Variants in IL4 observed in about 807,000 individuals in gnomAD.
IL4 encodes the protein interleukin 4.
IL4 carries 10 observed loss-of-function variants against 17.4 expected under a neutral mutation model. The observed-to-expected ratio is 0.57, with a 90% CI of 0.35 to 0.97. The LOEUF is 0.97. Ranked by LOEUF, IL4 falls within the 50% of genes least tolerant of loss-of-function variation. IL4 has a pLI of 0.01. For missense variants in IL4, 174 were observed against 187.7 expected (o/e 0.93, Z 0.43); for synonymous variants, 87 against 79.0 (o/e 1.10, Z -0.54).
chr5:132,675,889 GTGTGTATATA>G (rs1752371620), intron 2 of IL4, among the ~76,000 whole-genome samples: 1 of 145,704 alleles, frequency 6.9e-6, no homozygotes, highest in African/African-American at 2.6e-5. Flanking sequence ...ATATATGTGT[GTGTGTATATA>G]TATGTGTGTA....
At chr5:132,676,502 C>A (rs536671541) in intron 2 of IL4, among the ~76,000 whole-genome samples, 1 of 152,156 alleles carries the variant, frequency 6.6e-6, no homozygotes, top group Non-Finnish European at 1.5e-5. Context: ...GTCCTTAACT[C>A]CCCTCTTCAC....
At chr5:132,682,362 C>A (rs1195195401) in intron 3 of IL4, 124 bp from the exon 4 acceptor site, 1 of 622,050 alleles carries the variant, frequency 1.6e-6, no homozygotes, top group Non-Finnish European at 2.9e-6. Flanking sequence ...CCCAGTCAGG[C>A]TAGACTGGAG....
At chr5:132,674,546 G>C (rs758156636) in intron 2 of IL4, 40 bp downstream of exon 2, 1 of 1,514,742 alleles carries the variant, frequency 6.6e-7, no homozygotes, top group Non-Finnish European at 9.2e-7. Context: ...CAAATGGGGA[G>C]ATCCATCCCC....
In IL4 at chr5:132,682,518, T is replaced by C; in HGVS notation, c.393T>C (p.Ser131=). Residue 131 remains serine (S), a synonymous_variant, in exon 4 of 4, where the codon AGT becomes AGC. Transcript: ENST00000231449. The part of the protein sequence containing the change: ...NSCPVKEANQ[S]TLENFLERLK... Reference sequence around the variant, plus strand: ...GTCCTGTGAAGGAAGCCAACCAGAGTACGTTGGAAAACTTCTTGGAAAGGC... The same window carrying C: ...GTCCTGTGAAGGAAGCCAACCAGAGCACGTTGGAAAACTTCTTGGAAAGGC... 1 of 1,610,220 alleles carries C rather than the reference T, an allele frequency of 6.2e-7. No individual in the cohort carries two copies. Among genetic ancestry groups the C allele is most frequent in the Non-Finnish European group, 8.5e-7 (1 of 1,176,696 alleles).
chr5:132,680,523 G>A lies in IL4; in HGVS notation c.360+633G>A, dbSNP rs890225491. ...ACAAAGACTGTACAATCTGATTTAC[G>A]TGATTTAAAAGGGTCAGTCTGGCTA... On this transcript the variant is annotated intron_variant, in intron 3 of 3. Transcript: ENST00000231449. This position sits in a 1 kb window ranked among gnomAD's most constrained non-coding sequence, Gnocchi z 4.3. Among the ~76,000 whole-genome samples the A allele has an allele frequency of 2.6e-5, 4 of 152,204 alleles. No homozygotes were observed. The highest frequency in any genetic ancestry group is 5.9e-5 in the Non-Finnish European group (4 of 68,040).
Position 132,674,023 on chromosome 5 carries a change from C to G in IL4, c.-28C>G. ...TTCTCCTGATAAACTAATTGCCTCA[C>G]ATTGTCACTGCAAATCGACACCTAT... is the stretch of plus-strand genomic sequence containing the variant. On this transcript the variant is annotated 5_prime_UTR_variant, in exon 1 of 4. Coordinates refer to ENST00000231449, the MANE Select transcript of IL4 (RefSeq NM_000589.4). 2 of 1,610,308 alleles carry G rather than the reference C, an allele frequency of 1.2e-6. No homozygotes were observed. Among genetic ancestry groups the G allele is most frequent in the Non-Finnish European group, 1.7e-6 (2 of 1,176,696 alleles).
intron 3 of IL4, among the ~76,000 whole-genome samples, chr5:132,681,940 T>C (rs1047174002): frequency 1.3e-5 from 2 of 152,228 alleles, no homozygotes; most frequent in African/African-American, 4.8e-5. Flanking sequence ...GAAGCTTTTA[T>C]AAATTAAGTA....
In IL4 at chr5:132,679,779, T is replaced by C. The variant is rs377174102; in HGVS notation, c.249T>C (p.His83=). 7.4e-6 allele frequency: 12 copies of C among 1,613,978 alleles called. No homozygotes were observed. In the Admixed American group the frequency reaches 8.3e-5, roughly 11 times the overall value. The change falls in exon 3 of 4, where the codon CAT becomes CAC. Residue 83 remains histidine, a synonymous_variant. Coordinates refer to ENST00000231449, the MANE Select transcript of IL4 (RefSeq NM_000589.4). ...ATVLRQFYSH[H]EKDTRCLGAT... ...TGCTCCGGCAGTTCTACAGCCACCA[T>C]GAGAAGGACACTCGCTGCCTGGGTG...
intron 2 of IL4, among the ~76,000 whole-genome samples, chr5:132,679,307 G>C (rs942794009): frequency 6.6e-6 from 1 of 152,214 alleles, no homozygotes; most frequent in South Asian, 2.1e-4. Context: ...ACCTGACTGA[G>C]AGCTCATGTG....
chr5:132,678,893 A>G (rs552136324), intron 2 of IL4, among the ~76,000 whole-genome samples: 1 of 152,214 alleles, frequency 6.6e-6, no homozygotes, highest in Non-Finnish European at 1.5e-5. Flanking sequence ...TCTCTTGTCC[A>G]TTCCCTTCTC....
rs2243257 is a variant in IL4 at position 132,676,204 on chromosome 5, T to C, written c.183+1698T>C. 2.7e-3 allele frequency among the ~76,000 whole-genome samples: 418 copies of C among 152,256 alleles called. 1 individual carries two copies. Among genetic ancestry groups the C allele is most frequent in the African/African-American group, 9.7e-3 (403 of 41,524 alleles). ...AGCTGTGTGGCTGGCCTTCAGCACA[T>C]CTTCACACCTCTCTGCACCTCAGTT... On this transcript the variant is annotated intron_variant, in intron 2 of 3. Transcript: ENST00000231449.
chr5:132,676,811 A>G (rs1019824242), intron 2 of IL4, among the ~76,000 whole-genome samples: 9 of 152,146 alleles, frequency 5.9e-5, no homozygotes, highest in Non-Finnish European at 1.3e-4. Context: ...CAGCCTATTG[A>G]TTTTATTTCT....
At chr5:132,679,278 C>A (rs1024208900) in intron 2 of IL4, among the ~76,000 whole-genome samples, 3 of 152,148 alleles carry the variant, frequency 2.0e-5, no homozygotes, top group Non-Finnish European at 4.4e-5. Flanking sequence ...ATTTTAAAAC[C>A]TCTGGGAACA....
intron 2 of IL4, among the ~76,000 whole-genome samples, chr5:132,675,580 G>A (rs376724922): frequency 2.0e-4 from 29 of 148,166 alleles, no homozygotes; most frequent in African/African-American, 7.2e-4. Context: ...ATAGGGTCTT[G>A]TTCTGTCACC....
intron 2 of IL4, among the ~76,000 whole-genome samples, chr5:132,676,302 T>C (rs1294353155): frequency 2.0e-5 from 3 of 152,158 alleles, no homozygotes; most frequent in Non-Finnish European, 4.4e-5. Flanking sequence ...CTTGAGTTAG[T>C]GCAAAGTGTT....
chr5:132,674,335 T>C, intron 1 of IL4, 124 bp from the exon 2 acceptor site: 1 of 1,354,040 alleles, frequency 7.4e-7, no homozygotes, highest in Non-Finnish European at 1.0e-6. Context: ...CCTGCCACTC[T>C]TTTTTCTGAG....
intron 1 of IL4, 125 bp downstream of exon 1, chr5:132,674,310 C>T (rs1216318285): frequency 2.2e-6 from 3 of 1,353,376 alleles, no homozygotes; most frequent in African/African-American, 1.4e-5. Flanking sequence ...CCAGGGCACA[C>T]AGCGAGGCTT....
rs200549061 is a variant in IL4, at chr5:132,674,055, G to A, written c.5G>A (p.Gly2Asp). Residue 2 changes from glycine (G) to aspartate (D), a missense_variant, in exon 1 of 4, where the codon GGT becomes GAT. Transcript: ENST00000231449. ...ACTGCAAATCGACACCTATTAATGG[G>A]TCTCACCTCCCAACTGCTTCCCCCT... M[G>D]LTSQLLPPLF... 4 of 1,614,072 alleles carry A rather than the reference G, an allele frequency of 2.5e-6. No individual in the cohort carries two copies. The highest frequency in any genetic ancestry group is 1.1e-5 in the South Asian group (1 of 91,058).
Position 132,679,826 on chromosome 5 carries a change from G to A in IL4, c.296G>A (p.Arg99Lys), listed in dbSNP as rs1408747746. The A allele has an allele frequency of 1.2e-6, 2 of 1,613,984 alleles. No homozygotes were observed. The highest frequency in any genetic ancestry group is 1.7e-5 in the Admixed American group (1 of 60,016). ...CLGATAQQFH[R>K]HKQLIRFLKR... ...GGTGCGACTGCACAGCAGTTCCACA[G>A]GCACAAGCAGCTGATCCGATTCCTG... Residue 99 changes from arginine (R) to lysine (K), a missense_variant, in exon 3 of 4, where the codon AGG becomes AAG. Physicochemically the swap from Arg to Lys is conservative, Grantham distance 26 (BLOSUM62 2). Transcript: ENST00000231449.
Sources: gnomAD v4.1 joint callset for allele counts (sites outside exome capture counted in the v4.1 genomes callset) on GRCh38, gnomAD v4.1.1 for gene constraint, Gnocchi (gnomAD v3.1) non-coding constraint, MANE v1.5 for transcripts, NCBI Gene and HGNC (gene_info 2026-07-23, HGNC 2026-07-21) for gene names.